The following CRTC3 variants were observed in gnomAD, a reference collection of about 807,000 sequenced individuals.
CRTC3 encodes the protein CREB-regulated transcription coactivator 3.
CRTC3 carries 26 observed loss-of-function variants against 74.5 expected under a neutral mutation model. That is an observed-to-expected ratio of 0.35 (90% CI 0.26 to 0.48). CRTC3 has a LOEUF of 0.48. Ranked by LOEUF, CRTC3 falls within the 20% of genes least tolerant of loss-of-function variation. CRTC3 has a pLI of 0.99. For synonymous variants in CRTC3, 377 were observed against 325.8 expected, an observed-to-expected ratio of 1.16 and a Z score of -1.69; for missense variants, 760 against 787.3, an observed-to-expected ratio of 0.97 and a Z score of 0.41.
intron 2 of CRTC3, among the ~76,000 whole-genome samples, chr15:90,542,249 G>A (rs892495653): frequency 2.1e-4 from 31 of 150,640 alleles, no homozygotes; most frequent in African/African-American, 7.3e-4. Context: ...CGCGATCTCA[G>A]CTTACTGCAA....
intron 14 of CRTC3, among the ~76,000 whole-genome samples, chr15:90,641,503 C>G (rs1969441191): frequency 6.6e-6 from 1 of 151,924 alleles, no homozygotes; most frequent in Non-Finnish European, 1.5e-5. Flanking sequence ...CGAGACCATT[C>G]TGGCTAACAC....
At chr15:90,562,233 AG>A (rs1967027207) in intron 2 of CRTC3, among the ~76,000 whole-genome samples, 1 of 152,246 alleles carries the variant, frequency 6.6e-6, no homozygotes, top group African/African-American at 2.4e-5. Flanking sequence ...CAGAAGTTTA[AG>A]AGTGGTGAGG....
chr15:90,638,159 A>ACAAAAC (rs1176470184), intron 11 of CRTC3: 1 of 403,694 alleles, frequency 2.5e-6, no homozygotes, highest in African/African-American at 2.0e-5. Flanking sequence ...ACAAAACAAA[A>ACAAAAC]CATGATTTTC....
At chr15:90,589,039 T>C (rs1245133911) in intron 2 of CRTC3, among the ~76,000 whole-genome samples, 1 of 152,124 alleles carries the variant, frequency 6.6e-6, no homozygotes, top group Non-Finnish European at 1.5e-5. Flanking sequence ...GTTTTGTTGT[T>C]GTCGTCGTCG....
intron 2 of CRTC3, among the ~76,000 whole-genome samples, chr15:90,588,180 A>G (rs1967711925): frequency 6.6e-6 from 1 of 151,864 alleles, no homozygotes; most frequent in African/African-American, 2.4e-5. Flanking sequence ...GAATTGCTCG[A>G]ACTTGGGAGG....
Position 90,643,084 on chromosome 15 carries a change from C to T in CRTC3, c.*944C>T, listed in dbSNP as rs1731093513. The T allele has an allele frequency of 1.3e-5, 3 of 232,238 alleles. No homozygotes were observed. The highest frequency in any genetic ancestry group is 6.1e-5 in the East Asian group (1 of 16,490). 14.4% of individuals were successfully genotyped at this position (232,238 alleles called of 1,614,324 possible). A position where few individuals can be genotyped will look rare whatever the true frequency, so the allele number is the denominator to read the frequency against. On this transcript the variant is annotated 3_prime_UTR_variant, in exon 15 of 15. Coordinates refer to ENST00000268184, the MANE Select transcript of CRTC3 (RefSeq NM_022769.5). ...TCTCTGTGGGCTGGGAGTCTAATGTCACCCCCCTAGACCGTAAGCTCCTTG... is the reference window on the plus strand; with the variant it reads ...TCTCTGTGGGCTGGGAGTCTAATGTTACCCCCCTAGACCGTAAGCTCCTTG...
At chr15:90,562,419 G>T (rs181699531) in intron 2 of CRTC3, among the ~76,000 whole-genome samples, 1 of 152,216 alleles carries the variant, frequency 6.6e-6, no homozygotes, top group African/African-American at 2.4e-5. Flanking sequence ...TCAAACCCAG[G>T]TTTATCTTTC....
At chr15:90,550,162 C>T (rs999854290) in intron 2 of CRTC3, among the ~76,000 whole-genome samples, 10 of 151,564 alleles carry the variant, frequency 6.6e-5, no homozygotes, top group African/African-American at 2.4e-4. Context: ...AGTGTGGTGG[C>T]TCACGCCTGT....
At position 90,638,406 on chromosome 15, in the gene CRTC3, C is replaced by G. The variant is rs1398463324; in HGVS notation, c.1267-40C>G. On this transcript the variant is annotated intron_variant, in intron 11 of 14. Coordinates refer to ENST00000268184, the MANE Select transcript of CRTC3 (RefSeq NM_022769.5). ...ATCCTAAAGGACTTAACGCCAGAAA[C>G]GCAGAAGCTCATTAGTGGCTTTGTG... is the stretch of plus-strand genomic sequence containing the variant. 5 of 1,566,540 alleles carry G rather than the reference C, an allele frequency of 3.2e-6. No individual in the cohort carries two copies. In the Admixed American group the frequency reaches 5.0e-5, roughly 16 times the overall value.
rs151280811 is a variant in CRTC3 at position 90,638,530 on chromosome 15, C to T, written c.1351C>T (p.Pro451Ser). 1.2e-6 allele frequency: 2 copies of T among 1,613,698 alleles called. No homozygotes were observed. Among genetic ancestry groups the T allele is most frequent in the African/African-American group, 1.3e-5 (1 of 75,032 alleles). ...QVSPPPPYPA[P>S]QELTQPLLQQ... is the part of the protein sequence containing the mutation. ...GTCGCCGCCACCCCCTTACCCTGCACCCCAGGAGCTCACCCAGCCCCTCCT... is the reference window on the plus strand; with the variant it reads ...GTCGCCGCCACCCCCTTACCCTGCATCCCAGGAGCTCACCCAGCCCCTCCT... The change falls in exon 12 of 15, where the codon CCC becomes TCC. Residue 451 changes from proline to serine, a missense_variant. Around this residue, in one of 2 missense-constraint regions of CRTC3, gnomAD observed 652 missense variants for 635.2 expected, o/e 1.03. Transcript: ENST00000268184.
intron 2 of CRTC3, among the ~76,000 whole-genome samples, chr15:90,566,712 C>CTTT (rs71154114): frequency 1.6e-5 from 2 of 126,302 alleles, no homozygotes; most frequent in African/African-American, 2.8e-5. Flanking sequence ...TTCCTCCTTT[C>CTTT]TTTTTTTTTT....
intron 2 of CRTC3, among the ~76,000 whole-genome samples, chr15:90,579,445 C>T (rs1285543089): frequency 3.9e-5 from 6 of 152,122 alleles, no homozygotes; most frequent in Admixed American, 6.5e-5. Context: ...ATAGCTTGAC[C>T]GAGTGGGCTC....
At chr15:90,577,356 G>A (rs1366894283) in intron 2 of CRTC3, among the ~76,000 whole-genome samples, 1 of 152,214 alleles carries the variant, frequency 6.6e-6, no homozygotes, top group Non-Finnish European at 1.5e-5. Context: ...GGCCAAATCA[G>A]TCTGGCAGAG....
rs1183785240 is a variant in CRTC3, at chr15:90,601,861, G to A, written c.352-463G>A. Among the ~76,000 whole-genome samples, 3 of 152,266 alleles carry A rather than the reference G, an allele frequency of 2.0e-5. No individual in the cohort carries two copies. The East Asian group carries it at 5.8e-4, about 29-fold the overall frequency. Reference sequence around the variant, plus strand: ...AGACCCCCAGGTTCAGACGGCCCTTGGGCTTACCAGCCCTATTGGGGCACT... The same window carrying A: ...AGACCCCCAGGTTCAGACGGCCCTTAGGCTTACCAGCCCTATTGGGGCACT... On this transcript the variant is annotated intron_variant, in intron 3 of 14. Transcript: ENST00000268184.
intron 2 of CRTC3, among the ~76,000 whole-genome samples, chr15:90,578,540 C>G (rs1193023954): frequency 1.3e-5 from 2 of 150,998 alleles, no homozygotes; most frequent in African/African-American, 2.4e-5. Context: ...GGCAACAGAG[C>G]GAGACTCCAT....
Position 90,591,363 on chromosome 15 carries a change from T to A in CRTC3, c.232-2273T>A, listed in dbSNP as rs200164636. ...TCAAACTCCTGGCCTCAAGCAATTC[T>A]CCCACCTCCGCCTCCCAAAGTGCTG... On this transcript the variant is annotated intron_variant, in intron 2 of 14. Transcript: ENST00000268184. Among the ~76,000 whole-genome samples the A allele has an allele frequency of 4.6e-5, 7 of 152,078 alleles. No homozygotes were observed. In the East Asian group the frequency reaches 1.2e-3, roughly 25 times the overall value.
intron 11 of CRTC3, chr15:90,638,085 G>C (rs1381965697): frequency 4.3e-6 from 1 of 235,058 alleles, no homozygotes; most frequent in Non-Finnish European, 8.3e-6. Context: ...AACAGGATTT[G>C]GGGATGACAG....
intron 2 of CRTC3, among the ~76,000 whole-genome samples, chr15:90,561,096 C>G (rs1469118210): frequency 2.0e-5 from 3 of 152,210 alleles, no homozygotes; most frequent in Non-Finnish European, 4.4e-5. Context: ...TGTGTCTCAG[C>G]TCACTCATCT....
chr15:90,570,219 C>G (rs1029604342), intron 2 of CRTC3, among the ~76,000 whole-genome samples: 1 of 152,082 alleles, frequency 6.6e-6, no homozygotes, highest in African/African-American at 2.4e-5. Context: ...AAAAAATTGT[C>G]AAGTAATGAG....
Sources: allele counts gnomAD v4.1 joint callset (sites outside exome capture counted in the v4.1 genomes callset), GRCh38; gene constraint gnomAD v4.1.1; regional missense constraint gnomAD v4.1.1; transcripts MANE v1.5; gene names NCBI Gene and HGNC (gene_info 2026-07-23, HGNC 2026-07-21).